Variants in PREB observed in about 807,000 individuals in gnomAD.
PREB encodes prolactin regulatory element binding.
In PREB, 29 loss-of-function variants were observed where a neutral mutation model predicts 46.7. The observed-to-expected ratio is 0.62, with a 90% CI of 0.46 to 0.85. PREB has a LOEUF of 0.85. Ranked by LOEUF, PREB falls within the 40% of genes least tolerant of loss-of-function variation. PREB has a pLI of 0.00. For missense variants in PREB, 494 were observed against 528.4 expected, an observed-to-expected ratio of 0.93 and a Z score of 0.64; for synonymous variants, 224 against 220.1, an observed-to-expected ratio of 1.02 and a Z score of -0.16.
At position 27,132,715 on chromosome 2, in the gene PREB, C is replaced by T; in HGVS notation, c.640G>A (p.Gly214Ser). Residue 214 changes from glycine to serine, a missense_variant, in exon 5 of 9, where the codon GGC (glycine) becomes AGC (serine). By Grantham distance (56) the Gly-to-Ser change is moderately conservative (BLOSUM62 0). Transcript: ENST00000260643. The surrounding 1 kb of genome is among the most constrained non-coding windows in gnomAD (Gnocchi z 4.0). ...CACACAGAGGCCTTAAGGTCCCGGCCCACGGTTACCAACTAGTTAGGAATA... is the reference window on the plus strand; with the variant it reads ...CACACAGAGGCCTTAAGGTCCCGGCTCACGGTTACCAACTAGTTAGGAATA... ...LGPDGKLVTV[G>S]RDLKASVWQK... 1.2e-6 allele frequency: 2 copies of T among 1,614,130 alleles called. No individual in the cohort carries two copies.
At position 27,131,803 on chromosome 2, in the gene PREB, C is replaced by G; in HGVS notation, c.1028G>C (p.Gly343Ala). ...AAAGGCCACATCCGTCACCACAATG[C>G]CATGGGCCTCCCTCACGTAGTAGAG... ...QCLYYVREAHGIVVTDVAFLP... is the reference protein window; with the variant it reads ...QCLYYVREAHAIVVTDVAFLP... Residue 343 changes from glycine (G) to alanine (A), a missense_variant, in exon 8 of 9, where the codon GGC (glycine) becomes GCC (alanine). By Grantham distance (60) the Gly-to-Ala change is moderately conservative (BLOSUM62 0). Coordinates refer to ENST00000260643, the MANE Select transcript of PREB (RefSeq NM_013388.6). 1 of 1,614,104 alleles carries G rather than the reference C, an allele frequency of 6.2e-7. No individual in the cohort carries two copies. Among genetic ancestry groups the G allele is most frequent in the East Asian group, 2.2e-5 (1 of 44,876 alleles).
At position 27,132,983 on chromosome 2, in the gene PREB, G is replaced by A; in HGVS notation, c.547-60C>T. ...GTCCAGCAAGTACACTGTGACTGAT[G>A]CCCACGCCACCCCTTCTAATGGCCC... On this transcript the variant is annotated intron_variant, in intron 3 of 8. Transcript: ENST00000260643. This position sits in a 1 kb window ranked among gnomAD's most constrained non-coding sequence, Gnocchi z 4.0. 2 of 1,594,054 alleles carry A rather than the reference G, an allele frequency of 1.3e-6. No homozygotes were observed. The highest frequency in any genetic ancestry group is 4.5e-5 in the East Asian group (2 of 44,692).
rs1360490731 is a variant in PREB, at chr2:27,133,173, G to A, written c.490C>T (p.His164Tyr). ...DPLQKVVCFN[H>Y]DNTLLATGGT... ...CCAGTGGCAAGCAGGGTATTATCGT[G>A]GTTGAAGCACACAACTTTCTGCAGT... is the stretch of plus-strand genomic sequence containing the variant. Residue 164 changes from histidine (H) to tyrosine (Y), a missense_variant, in exon 3 of 9, where the codon CAC becomes TAC. Coordinates refer to ENST00000260643, the MANE Select transcript of PREB (RefSeq NM_013388.6). 6.2e-7 allele frequency: 1 copy of A among 1,614,206 alleles called. No homozygotes were observed. The highest frequency in any genetic ancestry group is 1.7e-5 in the Admixed American group (1 of 60,022).
Position 27,131,811 on chromosome 2 carries a change from C to T in PREB, c.1020G>A (p.Glu340=). Residue 340 remains glutamate, a synonymous_variant, in exon 8 of 9, where the codon GAG becomes GAA. Coordinates refer to ENST00000260643, the MANE Select transcript of PREB (RefSeq NM_013388.6). ...FSLQCLYYVR[E]AHGIVVTDVA... is the part of the protein sequence containing the mutation. ...CATCCGTCACCACAATGCCATGGGC[C>T]TCCCTCACGTAGTAGAGGCACTGTG... 6.2e-7 allele frequency: 1 copy of T among 1,614,106 alleles called. No homozygotes were observed. The highest frequency in any genetic ancestry group is 8.5e-7 in the Non-Finnish European group (1 of 1,179,990).
chr2:27,131,740 G>A lies in PREB; in HGVS notation c.1091C>T (p.Ser364Phe). 1.2e-6 allele frequency: 2 copies of A among 1,614,104 alleles called. No individual in the cohort carries two copies. Among genetic ancestry groups the A allele is most frequent in the Non-Finnish European group, 1.7e-6 (2 of 1,179,988 alleles). Reference sequence around the variant, plus strand: ...CACAGAGAACAGGGCAGTTTCATGGGACCCAAGGAGCTCTGGACCACGACC... The same window carrying A: ...CACAGAGAACAGGGCAGTTTCATGGAACCCAAGGAGCTCTGGACCACGACC... ...EKGRGPELLG[S>F]HETALFSVAV... The change falls in exon 8 of 9, where the codon TCC (serine) becomes TTC (phenylalanine). Residue 364 changes from serine (S) to phenylalanine (F), a missense_variant. By Grantham distance (155) the Ser-to-Phe change is radical. Transcript: ENST00000260643.
chr2:27,133,298 G>T lies in PREB; in HGVS notation c.365C>A (p.Ala122Asp), dbSNP rs752817013. ...CGCTCCACATTTCTTCTCTGCTGGG[G>T]CTGCTCCCTTCCTTTGTCGAGGCCC... ...EQGPRQRKGA[A>D]PAEKKCGAET... The change falls in exon 3 of 9, where the codon GCC becomes GAC. Residue 122 changes from alanine (A) to aspartate (D), a missense_variant. Ala to Asp is a moderately radical substitution (Grantham distance 126). Transcript: ENST00000260643. 2.2e-5 allele frequency: 36 copies of T among 1,614,038 alleles called. No homozygotes were observed. The highest frequency in any genetic ancestry group is 1.8e-4 in the South Asian group (16 of 91,088).
At position 27,131,099 on chromosome 2, in the gene PREB, CA is replaced by C; in HGVS notation, c.*314del. On this transcript the variant is annotated 3_prime_UTR_variant, in exon 9 of 9. Transcript: ENST00000260643. ...GCCTCCAGGCTCTTGGGCATCTTCACATGTTTCTAGATAAGGACAAGCTCAA... is the reference window on the plus strand; with the variant it reads ...GCCTCCAGGCTCTTGGGCATCTTCACTGTTTCTAGATAAGGACAAGCTCAA... 2 of 508,136 alleles carry C rather than the reference CA, an allele frequency of 3.9e-6. No individual in the cohort carries two copies. Among genetic ancestry groups the C allele is most frequent in the Non-Finnish European group, 7.0e-6 (2 of 285,518 alleles). 31.5% of individuals were successfully genotyped at this position (508,136 alleles called of 1,614,324 possible).
chr2:27,133,674 C>T lies in PREB; in HGVS notation c.183G>A (p.Leu61=). 1.2e-6 allele frequency: 2 copies of T among 1,614,180 alleles called. No homozygotes were observed. The highest frequency in any genetic ancestry group is 1.7e-6 in the Non-Finnish European group (2 of 1,180,022). ...GTGTCTCTGTGTCATGGGAGTGCAG[C>T]AAGGAGGCACTCAAGCGCCCATTAA... ...ELINGRLSAS[L]LHSHDTETRA... The change falls in exon 2 of 9, where the codon TTG becomes TTA. Residue 61 remains leucine, a synonymous_variant. Transcript: ENST00000260643.
chr2:27,133,843 C>T, intron 1 of PREB, 122 bp from the exon 2 acceptor site: 10 of 929,698 alleles, frequency 1.1e-5, no homozygotes, highest in African/African-American at 1.0e-4. Context: ...TTTCTCGAGT[C>T]TTTTTTCTCT....
In PREB at chr2:27,134,013, CA is replaced by C. The variant is rs1672394161; in HGVS notation, c.135+273del. On this transcript the variant is annotated intron_variant, in intron 1 of 8. Coordinates refer to ENST00000260643, the MANE Select transcript of PREB (RefSeq NM_013388.6). ...GCAGGCAAGACCTCCCGGAAAAGGCCAGTATAAGACCCCTGGAGCTGCTCTG... is the reference window on the plus strand; with the variant it reads ...GCAGGCAAGACCTCCCGGAAAAGGCCGTATAAGACCCCTGGAGCTGCTCTG... 2.5e-5 allele frequency: 15 copies of C among 608,780 alleles called. No individual in the cohort carries two copies. In the East Asian group the frequency reaches 4.3e-4, roughly 18 times the overall value. The allele number at this position is 608,780 out of a possible 1,614,324, so 37.7% of individuals were successfully genotyped here.
Position 27,132,508 on chromosome 2 carries a change from A to T in PREB, c.752+95T>A. 1.9e-6 allele frequency: 3 copies of T among 1,594,714 alleles called. No homozygotes were observed. The highest frequency in any genetic ancestry group is 2.6e-6 in the Non-Finnish European group (3 of 1,168,730). On this transcript the variant is annotated intron_variant, in intron 5 of 8. Coordinates refer to ENST00000260643, the MANE Select transcript of PREB (RefSeq NM_013388.6). The surrounding 1 kb of genome is among the most constrained non-coding windows in gnomAD (Gnocchi z 4.0). ...GGTCAGACCTGGGGTAACACTCAAC[A>T]AGTTCCTCCCCAGCTCTCCCATCCC...
At position 27,132,700 on chromosome 2, in the gene PREB, C is replaced by T; in HGVS notation, c.655G>A (p.Ala219Thr). 5.0e-6 allele frequency: 8 copies of T among 1,614,130 alleles called. No individual in the cohort carries two copies. The highest frequency in any genetic ancestry group is 6.8e-6 in the Non-Finnish European group (8 of 1,180,016). ...KLVTVGRDLK[A>T]SVWQKDQLVT... Reference sequence around the variant, plus strand: ...AGCTGATCCTTCTGCCACACAGAGGCCTTAAGGTCCCGGCCCACGGTTACC... The same window carrying T: ...AGCTGATCCTTCTGCCACACAGAGGTCTTAAGGTCCCGGCCCACGGTTACC... The change falls in exon 5 of 9, where the codon GCC (alanine) becomes ACC (threonine). Residue 219 changes from alanine (A) to threonine (T), a missense_variant. By Grantham distance (58) the Ala-to-Thr change is moderately conservative (BLOSUM62 0). Coordinates refer to ENST00000260643, the MANE Select transcript of PREB (RefSeq NM_013388.6). The surrounding 1 kb of genome is among the most constrained non-coding windows in gnomAD (Gnocchi z 4.0).
chr2:27,132,195 A>T lies in PREB; in HGVS notation c.926+35T>A. The stretch of plus-strand genomic sequence containing the variant: ...GACTCCTTTCCAAGCTCCCTCAGGG[A>T]CCCCCTACCTAGCCAAGGCAGCAAT... On this transcript the variant is annotated intron_variant, in intron 6 of 8. Coordinates refer to ENST00000260643, the MANE Select transcript of PREB (RefSeq NM_013388.6). This position sits in a 1 kb window ranked among gnomAD's most constrained non-coding sequence, Gnocchi z 4.0. 1 of 1,613,052 alleles carries T rather than the reference A, an allele frequency of 6.2e-7. No individual in the cohort carries two copies. Among genetic ancestry groups the T allele is most frequent in the Admixed American group, 1.7e-5 (1 of 59,980 alleles).
In PREB at chr2:27,131,413, G is replaced by A. The variant is rs997905470; in HGVS notation, c.*1C>T. 6 of 1,551,832 alleles carry A rather than the reference G, an allele frequency of 3.9e-6. No homozygotes were observed. The highest frequency in any genetic ancestry group is 1.4e-5 in the African/African-American group (1 of 73,040). ...CTCCTGATTCCCAGGAAGCAGGGAAGCTAAAGGAAACCTGGAAAGGCACTC... is the reference window on the plus strand; with the variant it reads ...CTCCTGATTCCCAGGAAGCAGGGAAACTAAAGGAAACCTGGAAAGGCACTC... On this transcript the variant is annotated 3_prime_UTR_variant, in exon 9 of 9. Transcript: ENST00000260643.
intron 3 of PREB, 97 bp from the exon 4 acceptor site, chr2:27,133,020 C>T: frequency 6.3e-7 from 1 of 1,580,528 alleles, no homozygotes; most frequent in Non-Finnish European, 8.7e-7. Flanking sequence ...TCAATGCAAG[C>T]TTCATTCACA....
chr2:27,134,627 GA>G lies in PREB; in HGVS notation c.-207del, dbSNP rs1214186487. ...CGGCTCCGTCCAAGTCGGTCTCGCA[GA>G]CGCGCACTGCGCATGCGCACCTGTC... On this transcript the variant is annotated 5_prime_UTR_variant, in exon 1 of 9. Transcript: ENST00000260643. The G allele has an allele frequency of 1.6e-6, 2 of 1,275,536 alleles. No individual in the cohort carries two copies. The highest frequency in any genetic ancestry group is 4.1e-5 in the Admixed American group (1 of 24,348). The allele number at this position is 1,275,536 out of a possible 1,614,324, so 79.0% of individuals were successfully genotyped here.
Position 27,131,809 on chromosome 2 carries a change from G to C in PREB, c.1022C>G (p.Ala341Gly). Residue 341 changes from alanine (A) to glycine (G), a missense_variant, in exon 8 of 9, where the codon GCC (alanine) becomes GGC (glycine). Transcript: ENST00000260643. The stretch of plus-strand genomic sequence containing the variant: ...CACATCCGTCACCACAATGCCATGG[G>C]CCTCCCTCACGTAGTAGAGGCACTG... ...SLQCLYYVRE[A>G]HGIVVTDVAF... 1 of 1,614,148 alleles carries C rather than the reference G, an allele frequency of 6.2e-7. No homozygotes were observed.
chr2:27,132,413 G>C lies in PREB; in HGVS notation c.753-10C>G, dbSNP rs151121185. Reference sequence around the variant, plus strand: ...TGGAACCTGCCCAAACCTGGGGGCCGGATGAGGGGCTATTCAGCTCCTAGG... The same window carrying C: ...TGGAACCTGCCCAAACCTGGGGGCCCGATGAGGGGCTATTCAGCTCCTAGG... On this transcript the variant is annotated splice_polypyrimidine_tract_variant and intron_variant, in intron 5 of 8. Transcript: ENST00000260643. The surrounding 1 kb of genome is among the most constrained non-coding windows in gnomAD (Gnocchi z 4.0). 6.2e-7 allele frequency: 1 copy of C among 1,608,186 alleles called. No individual in the cohort carries two copies. Among genetic ancestry groups the C allele is most frequent in the South Asian group, 1.1e-5 (1 of 90,798 alleles).
Position 27,130,925 on chromosome 2 carries a change from C to A in PREB, c.*489G>T. ...ACCCATCTGAACCCCCAGATTACTA[C>A]CCAAGTCTTCCTTTTGCCCCTTCCT... On this transcript the variant is annotated 3_prime_UTR_variant, in exon 9 of 9. Transcript: ENST00000260643. 1.4e-6 allele frequency: 1 copy of A among 704,066 alleles called. No homozygotes were observed. Among genetic ancestry groups the A allele is most frequent in the Non-Finnish European group, 2.3e-6 (1 of 430,594 alleles). 43.6% of individuals were successfully genotyped at this position (704,066 alleles called of 1,614,324 possible).
Sources: gnomAD v4.1 joint callset for allele counts on GRCh38, gnomAD v4.1.1 for gene constraint, Gnocchi (gnomAD v3.1) non-coding constraint, MANE v1.5 for transcripts, NCBI Gene and HGNC (gene_info 2026-07-23, HGNC 2026-07-21) for gene names.